SYNDIG1: variants seen among roughly 807,000 people sequenced by gnomAD.
The protein encoded by SYNDIG1 is synapse differentiation-inducing gene protein 1.
In SYNDIG1, 9 loss-of-function variants were observed where a neutral mutation model predicts 19.4. That is an observed-to-expected ratio of 0.46 (90% confidence interval 0.28 to 0.81). The LOEUF (loss-of-function observed/expected upper bound fraction) is 0.81. Among genes scored for constraint, SYNDIG1 ranks in the 30% least tolerant of loss-of-function variants. The pLI, the probability that SYNDIG1 is intolerant of heterozygous loss-of-function variation, is 0.12. For synonymous variants in SYNDIG1, 141 were observed against 145.9 expected, an observed-to-expected ratio of 0.97 and a Z score of 0.24; for missense variants, 311 against 343.3, an observed-to-expected ratio of 0.91 and a Z score of 0.74.
chr20:24,546,866 C>A (rs1224273107), intron 2 of SYNDIG1, among the ~76,000 whole-genome samples: 1 of 151,904 alleles, frequency 6.6e-6, no homozygotes, highest in Non-Finnish European at 1.5e-5. Flanking sequence ...TGAGCTCTTT[C>A]CAGAAGGCAG....
intron 3 of SYNDIG1, among the ~76,000 whole-genome samples, chr20:24,630,054 TC>T (rs2059216622): frequency 6.6e-6 from 1 of 152,202 alleles, no homozygotes; most frequent in Non-Finnish European, 1.5e-5. Context: ...AGATGCATCA[TC>T]TATAAAGTGA....
intron 3 of SYNDIG1, among the ~76,000 whole-genome samples, chr20:24,625,683 A>C (rs561650232): frequency 6.6e-6 from 1 of 151,980 alleles, no homozygotes; most frequent in East Asian, 1.9e-4. Context: ...GTTGGGGGTA[A>C]GGTCATAGAT....
At chr20:24,486,620 C>CT (rs148754823) in intron 1 of SYNDIG1, among the ~76,000 whole-genome samples, 1 of 151,408 alleles carries the variant, frequency 6.6e-6, no homozygotes, top group African/African-American at 2.4e-5. Flanking sequence ...GTCTCCATTT[C>CT]TTTTTTTTCT....
intron 3 of SYNDIG1, among the ~76,000 whole-genome samples, chr20:24,607,502 TG>T (rs1443648684): frequency 6.6e-6 from 1 of 151,250 alleles, no homozygotes; most frequent in Admixed American, 6.6e-5. Flanking sequence ...GGGTGGAGAG[TG>T]GGGCTAGGAA....
chr20:24,483,252 G>C (rs2055848857), intron 1 of SYNDIG1, among the ~76,000 whole-genome samples: 1 of 152,184 alleles, frequency 6.6e-6, no homozygotes, highest in Non-Finnish European at 1.5e-5. Context: ...GCAGAGAAAG[G>C]TGTGCATGTG....
At chr20:24,510,887 T>C (rs1423115819) in intron 1 of SYNDIG1, among the ~76,000 whole-genome samples, 1 of 152,222 alleles carries the variant, frequency 6.6e-6, no homozygotes, top group Non-Finnish European at 1.5e-5. Flanking sequence ...AATTTCCATA[T>C]TATGCTGAAT....
chr20:24,490,321 G>T (rs1313866161), intron 1 of SYNDIG1, among the ~76,000 whole-genome samples: 1 of 152,204 alleles, frequency 6.6e-6, no homozygotes, highest in Non-Finnish European at 1.5e-5. Flanking sequence ...ACCTAAAATA[G>T]CAGTTATGCC....
At chr20:24,633,142 A>T (rs2059269679) in intron 3 of SYNDIG1, among the ~76,000 whole-genome samples, 2 of 152,172 alleles carry the variant, frequency 1.3e-5, no homozygotes. Context: ...GCTTACTGCC[A>T]TGCTAAACAC....
At chr20:24,522,278 A>T (rs1453761314) in intron 1 of SYNDIG1, among the ~76,000 whole-genome samples, 1 of 151,836 alleles carries the variant, frequency 6.6e-6, no homozygotes, top group Non-Finnish European at 1.5e-5. Context: ...TTTTGTAGAG[A>T]TGGGGTCTCA....
intron 3 of SYNDIG1, among the ~76,000 whole-genome samples, chr20:24,660,884 C>A (rs1015703179): frequency 6.6e-6 from 1 of 152,240 alleles, no homozygotes; most frequent in Non-Finnish European, 1.5e-5. Context: ...ACCCTCCTGG[C>A]CCCACCCCTG....
chr20:24,564,672 T>A (rs778978558), intron 2 of SYNDIG1, among the ~76,000 whole-genome samples: 1 of 152,230 alleles, frequency 6.6e-6, no homozygotes, highest in Non-Finnish European at 1.5e-5. Flanking sequence ...TTAATGGACT[T>A]GGTACAAATG....
chr20:24,551,789 T>C (rs1444695554), intron 2 of SYNDIG1, among the ~76,000 whole-genome samples: 1 of 152,184 alleles, frequency 6.6e-6, no homozygotes, highest in Non-Finnish European at 1.5e-5. Flanking sequence ...TATTCAGGGA[T>C]TTTGTTGTTT....
chr20:24,482,112 A>G (rs896366184), intron 1 of SYNDIG1, among the ~76,000 whole-genome samples: 2 of 152,228 alleles, frequency 1.3e-5, no homozygotes, highest in Admixed American at 6.5e-5. Context: ...AGCTCATGCC[A>G]TGGAGAAAAA....
chr20:24,508,218 ATTTTTT>A (rs34436263), intron 1 of SYNDIG1, among the ~76,000 whole-genome samples: 12 of 73,208 alleles, frequency 1.6e-4, no homozygotes, highest in East Asian at 5.1e-4. Context: ...AAGGAGGATA[ATTTTTT>A]TTTTTTTTTT....
At chr20:24,470,472 C>G (rs1230664174) in intron 1 of SYNDIG1, among the ~76,000 whole-genome samples, 2 of 152,184 alleles carry the variant, frequency 1.3e-5, no homozygotes, top group Non-Finnish European at 2.9e-5. Context: ...GCCCTGGGAG[C>G]CACAGCCCTG....
intron 2 of SYNDIG1, 85 bp from the exon 3 acceptor site, chr20:24,584,771 G>A: frequency 6.3e-7 from 1 of 1,594,748 alleles, no homozygotes; most frequent in Non-Finnish European, 8.5e-7. Flanking sequence ...CGCCAGCCAG[G>A]GGTCATCCCA....
intron 2 of SYNDIG1, among the ~76,000 whole-genome samples, chr20:24,562,286 T>C (rs1368149510): frequency 2.0e-5 from 3 of 152,248 alleles, no homozygotes; most frequent in African/African-American, 4.8e-5. Flanking sequence ...ATCCTAGAAA[T>C]TGAATTTCCT....
At chr20:24,504,365 G>T (rs377279981) in intron 1 of SYNDIG1, among the ~76,000 whole-genome samples, 1 of 152,106 alleles carries the variant, frequency 6.6e-6, no homozygotes, top group Non-Finnish European at 1.5e-5. Context: ...CAATGAAGTC[G>T]CACATAATAA....
At chr20:24,489,603 G>T (rs2056088369) in intron 1 of SYNDIG1, among the ~76,000 whole-genome samples, 1 of 152,040 alleles carries the variant, frequency 6.6e-6, no homozygotes, top group Non-Finnish European at 1.5e-5. Flanking sequence ...ACCACACACA[G>T]ACACATACAT....
Sources: allele counts gnomAD v4.1 joint callset (sites outside exome capture counted in the v4.1 genomes callset), GRCh38; gene constraint gnomAD v4.1.1; transcripts MANE v1.5; gene names NCBI Gene and HGNC (gene_info 2026-07-23, HGNC 2026-07-21).